Variants in ZNF407 observed in about 807,000 individuals in gnomAD.
ZNF407 encodes zinc finger protein 407.
A neutral mutation model predicts 131.2 loss-of-function variants in ZNF407; 17 were observed. That is an observed-to-expected ratio of 0.13 (90% CI 0.09 to 0.19). The LOEUF (loss-of-function observed/expected upper bound fraction) is 0.19, where lower values mean the gene tolerates loss of function less well. Among genes scored for constraint, ZNF407 ranks in the 10% least tolerant of loss-of-function variants. ZNF407 has a pLI of 1.00. For missense variants in ZNF407, 2,681 were observed against 2,830.6 expected (o/e 0.95, Z 1.20); for synonymous variants, 1,156 against 1,062.0 (o/e 1.09, Z -1.72).
chr18:74,658,844 G>A (rs1172350626), intron 3 of ZNF407, among the ~76,000 whole-genome samples: 1 of 151,934 alleles, frequency 6.6e-6, no homozygotes, highest in Non-Finnish European at 1.5e-5. Context: ...ACTAACTTTG[G>A]CTTAAATATC....
At chr18:75,014,592 C>G (rs1326150900) in intron 8 of ZNF407, among the ~76,000 whole-genome samples, 1 of 152,044 alleles carries the variant, frequency 6.6e-6, no homozygotes, top group East Asian at 1.9e-4. Flanking sequence ...CGTAAGTGGT[C>G]AGATTCTTAA....
chr18:75,003,033 C>G (rs770405364), intron 8 of ZNF407, among the ~76,000 whole-genome samples: 3 of 152,092 alleles, frequency 2.0e-5, no homozygotes, highest in Non-Finnish European at 4.4e-5. Context: ...AGGACACAGA[C>G]CTCTAAATTC....
intron 8 of ZNF407, among the ~76,000 whole-genome samples, chr18:74,967,565 C>T (rs1191461699): frequency 6.6e-6 from 1 of 152,082 alleles, no homozygotes; most frequent in Non-Finnish European, 1.5e-5. Flanking sequence ...TTTCTGATTC[C>T]AGAGAACATA....
chr18:75,064,521 G>A lies in ZNF407; in HGVS notation c.*53G>A, dbSNP rs564802271. The A allele has an allele frequency of 4.3e-5, 60 of 1,391,562 alleles. 1 individual carries two copies. The highest frequency in any genetic ancestry group is 1.5e-4 in the South Asian group (10 of 64,894). The allele number at this position is 1,391,562 out of a possible 1,614,324, so 86.2% of individuals were successfully genotyped here. ...GGCAGGTGTGGGAAGGTCCAGCTTCGGTGGGGGACCGTGTTCCCTGAGCTT... is the reference window on the plus strand; with the variant it reads ...GGCAGGTGTGGGAAGGTCCAGCTTCAGTGGGGGACCGTGTTCCCTGAGCTT... On this transcript the variant is annotated 3_prime_UTR_variant, in exon 9 of 9. Transcript: ENST00000299687.
chr18:75,005,026 T>C (rs1248368834), intron 8 of ZNF407, among the ~76,000 whole-genome samples: 1 of 152,218 alleles, frequency 6.6e-6, no homozygotes, highest in Non-Finnish European at 1.5e-5. Flanking sequence ...TGATATGACA[T>C]ATTGTGTGTC....
chr18:74,817,696 C>T (rs1356185117), intron 4 of ZNF407, among the ~76,000 whole-genome samples: 1 of 152,060 alleles, frequency 6.6e-6, no homozygotes, highest in East Asian at 1.9e-4. Context: ...TGTATATGTT[C>T]AAGATCCAGT....
chr18:74,810,979 A>G lies in ZNF407; in HGVS notation c.4877+29477A>G, dbSNP rs537714897. ...GTCTAAAACACCAAAAGCAATGGCC[A>G]AAAACAAAACAAAACACCAAAAACA... is the stretch of plus-strand genomic sequence containing the variant. On this transcript the variant is annotated intron_variant, in intron 4 of 8. Coordinates refer to ENST00000299687, the MANE Select transcript of ZNF407 (RefSeq NM_017757.3). 3.4e-3 allele frequency among the ~76,000 whole-genome samples: 515 copies of G among 152,366 alleles called. 2 individuals are homozygous for G. The highest frequency in any genetic ancestry group is 0.011 in the South Asian group (52 of 4,830).
chr18:74,832,286 A>G (rs1200033317), intron 4 of ZNF407, among the ~76,000 whole-genome samples: 1 of 152,166 alleles, frequency 6.6e-6, no homozygotes, highest in African/African-American at 2.4e-5. Context: ...TTACTTCTCC[A>G]AAGTGGGTAA....
At chr18:74,747,972 C>G (rs1271390527) in intron 3 of ZNF407, among the ~76,000 whole-genome samples, 6 of 152,068 alleles carry the variant, frequency 3.9e-5, no homozygotes, top group African/African-American at 1.2e-4. Context: ...CAAGAATTAT[C>G]AACTACAGTT....
chr18:74,844,386 C>CT (rs1970674893), intron 4 of ZNF407, among the ~76,000 whole-genome samples: 2 of 152,224 alleles, frequency 1.3e-5, no homozygotes, highest in African/African-American at 2.4e-5. Flanking sequence ...AGATTCTTCT[C>CT]TAAGGCACAA....
In ZNF407 at chr18:74,881,038, G is replaced by A; in HGVS notation, c.5047G>A (p.Glu1683Lys). ...MKDHYRTHTGEKSFLCDLCGF... is the reference protein window; with the variant it reads ...MKDHYRTHTGKKSFLCDLCGF... ...TCATCTGTTTGTTGTTGCAACAGGC[G>A]AGAAGTCGTTTCTGTGTGACCTCTG... is the stretch of plus-strand genomic sequence containing the variant. Residue 1683 changes from glutamate to lysine, a missense_variant and splice_region_variant, in exon 6 of 9, where the codon GAG becomes AAG. Physicochemically the swap from Glu to Lys is moderately conservative, Grantham distance 56. Transcript: ENST00000299687. The A allele has an allele frequency of 1.9e-6, 3 of 1,588,340 alleles. No homozygotes were observed. Among genetic ancestry groups the A allele is most frequent in the Non-Finnish European group, 2.6e-6 (3 of 1,166,628 alleles).
chr18:74,766,335 C>T (rs1335653208), intron 3 of ZNF407, among the ~76,000 whole-genome samples: 1 of 152,128 alleles, frequency 6.6e-6, no homozygotes, highest in Non-Finnish European at 1.5e-5. Context: ...AGCTGGGTCC[C>T]ATCCTATGCT....
chr18:75,022,579 A>G (rs144815450), intron 8 of ZNF407, among the ~76,000 whole-genome samples: 179 of 152,306 alleles, frequency 1.2e-3, no homozygotes, highest in African/African-American at 4.0e-3. Context: ...GAAATAATGC[A>G]TGTAAAAATT....
chr18:74,761,989 T>C (rs917529439), intron 3 of ZNF407, among the ~76,000 whole-genome samples: 3 of 152,104 alleles, frequency 2.0e-5, no homozygotes, highest in Non-Finnish European at 4.4e-5. Context: ...GTAAGAAAGT[T>C]ATAGTCGTAG....
At chr18:74,738,457 T>C (rs1490415655) in intron 3 of ZNF407, among the ~76,000 whole-genome samples, 2 of 132,236 alleles carry the variant, frequency 1.5e-5, no homozygotes, top group African/African-American at 6.0e-5. Context: ...AAGGAGAAGT[T>C]GGCCGGGTGT....
intron 7 of ZNF407, among the ~76,000 whole-genome samples, chr18:74,901,172 C>T (rs571779167): frequency 7.9e-5 from 12 of 152,186 alleles, no homozygotes; most frequent in Non-Finnish European, 1.3e-4. Context: ...ATGGCCCCAC[C>T]GGTTGATGGA....
chr18:74,715,654 AT>A (rs916611700), intron 3 of ZNF407, among the ~76,000 whole-genome samples: 1 of 152,174 alleles, frequency 6.6e-6, no homozygotes, highest in African/African-American at 2.4e-5. Context: ...CCCATACAAC[AT>A]TTTTTAAAAA....
At chr18:75,032,173 C>G (rs542363439) in intron 8 of ZNF407, among the ~76,000 whole-genome samples, 2 of 152,282 alleles carry the variant, frequency 1.3e-5, no homozygotes, top group Non-Finnish European at 2.9e-5. Context: ...TAAGGCTGTC[C>G]GTCAAACAAG....
chr18:74,870,306 T>A (rs937566214), intron 4 of ZNF407, among the ~76,000 whole-genome samples: 1 of 152,186 alleles, frequency 6.6e-6, no homozygotes, highest in Non-Finnish European at 1.5e-5. Flanking sequence ...TCCAACTAGT[T>A]AACAAGGATC....
Sources: gnomAD v4.1 joint callset for allele counts (sites outside exome capture counted in the v4.1 genomes callset) on GRCh38, gnomAD v4.1.1 for gene constraint, MANE v1.5 for transcripts, NCBI Gene and HGNC (gene_info 2026-07-23, HGNC 2026-07-21) for gene names.